Variants in KIF7 observed in about 807,000 individuals in gnomAD.
KIF7 encodes the protein kinesin-like protein KIF7.
Under a neutral mutation model 135.7 loss-of-function variants are expected in KIF7, and 104 were observed. The observed-to-expected ratio is 0.77, with a 90% CI of 0.65 to 0.90. The LOEUF (loss-of-function observed/expected upper bound fraction) is 0.90, where lower values mean the gene tolerates loss of function less well. Ranked by LOEUF, KIF7 falls within the 40% of genes least tolerant of loss-of-function variation. The pLI is 0.00. For synonymous variants in KIF7, 883 were observed against 809.4 expected, an observed-to-expected ratio of 1.09 and a Z score of -1.54; for missense variants, 2,005 against 1,839.1, an observed-to-expected ratio of 1.09 and a Z score of -1.65.
chr15:89,624,784 A>G, downstream of KIF7: 1 of 1,614,230 alleles, frequency 6.2e-7, no homozygotes, highest in Non-Finnish European at 8.5e-7. Flanking sequence ...TGAGGGGCTA[A>G]GGACAGCAGA....
chr15:89,638,469 T>G (rs1399436220), intron 11 of KIF7, among the ~76,000 whole-genome samples: 1 of 151,188 alleles, frequency 6.6e-6, no homozygotes, highest in Non-Finnish European at 1.5e-5. Flanking sequence ...ACAAAATCAA[T>G]GTACAAAAAT....
intron 10 of KIF7, among the ~76,000 whole-genome samples, chr15:89,643,658 G>A (rs1349507755): frequency 6.6e-6 from 1 of 152,200 alleles, no homozygotes; most frequent in African/African-American, 2.4e-5. Context: ...AGGCTGAGGT[G>A]AGCGGATCAC....
chr15:89,631,401 C>T lies in KIF7; in HGVS notation c.3111+94G>A, dbSNP rs1567058387. The T allele has an allele frequency of 4.2e-6, 5 of 1,183,602 alleles. No individual in the cohort carries two copies. In the East Asian group the frequency reaches 7.7e-5, roughly 18 times the overall value. 73.3% of individuals were successfully genotyped at this position (1,183,602 alleles called of 1,614,324 possible). On this transcript the variant is annotated intron_variant, in intron 15 of 18. Transcript: ENST00000394412. ...ACTTGGGTCTGCCGACAGCAAGGCCCAGCACCCGCAGAGGGCTGGAGCAAG... is the reference window on the plus strand; with the variant it reads ...ACTTGGGTCTGCCGACAGCAAGGCCTAGCACCCGCAGAGGGCTGGAGCAAG...
chr15:89,643,472 C>T (rs545187735), intron 10 of KIF7, among the ~76,000 whole-genome samples: 1 of 152,308 alleles, frequency 6.6e-6, no homozygotes, highest in South Asian at 2.1e-4. Flanking sequence ...ACCAATCCCA[C>T]ATAGATATCA....
At chr15:89,620,108 A>T (rs4932236) in intron 1 of KIF7, among the ~76,000 whole-genome samples, 125,652 of 152,188 alleles carry the variant, frequency 0.83, 52,657 homozygotes, top group Non-Finnish European at 0.92. Flanking sequence ...ATTTCCCATA[A>T]GGACAGAACC....
chr15:89,617,689 C>CTT (rs35732953), intron 2 of KIF7, among the ~76,000 whole-genome samples: 1,635 of 98,744 alleles, frequency 0.017, 57 homozygotes, highest in African/African-American at 0.058. Context: ...ACCCAGCTAT[C>CTT]TTTTTTTTTT....
At chr15:89,647,564 G>A (rs770599755) in intron 6 of KIF7, 32 bp downstream of exon 6, 1 of 1,573,660 alleles carries the variant, frequency 6.4e-7, no homozygotes, top group South Asian at 1.1e-5. Flanking sequence ...CCTCTGGGAA[G>A]CCTTCCCCGC....
Position 89,633,725 on chromosome 15 carries a change from G to A in KIF7, c.2553C>T (p.Arg851=), listed in dbSNP as rs1312926255. The A allele has an allele frequency of 6.2e-7, 1 of 1,608,634 alleles. No homozygotes were observed. Among genetic ancestry groups the A allele is most frequent in the South Asian group, 1.1e-5 (1 of 91,038 alleles). Residue 851 remains arginine (R), a synonymous_variant, in exon 12 of 19, where the codon CGC becomes CGT. Transcript: ENST00000394412. Reference sequence around the variant, plus strand: ...GCCGCTTGCTCATTTCTGCCTCCAGGCGCCGCTTCTGCTCCGTCTCCTCGC... The same window carrying A: ...GCCGCTTGCTCATTTCTGCCTCCAGACGCCGCTTCTGCTCCGTCTCCTCGC... The part of the protein sequence containing the change: ...RLREETEQKR[R]LEAEMSKRQH...
Position 89,631,555 on chromosome 15 carries a change from C to T in KIF7, c.3051G>A (p.Leu1017=), listed in dbSNP as rs766182617. The change falls in exon 15 of 19, where the codon CTG becomes CTA. Residue 1017 remains leucine, a synonymous_variant. Coordinates refer to ENST00000394412, the MANE Select transcript of KIF7 (RefSeq NM_198525.3). Reference sequence around the variant, plus strand: ...CGTCGATCTCCAGGCGCTGCTTGAGCAGCGAGTCCTTCTCCTGGCGCAGGC... The same window carrying T: ...CGTCGATCTCCAGGCGCTGCTTGAGTAGCGAGTCCTTCTCCTGGCGCAGGC... The part of the protein sequence containing the change: ...IDSLRQEKDS[L]LKQRLEIDGK... 2 of 1,580,452 alleles carry T rather than the reference C, an allele frequency of 1.3e-6. No homozygotes were observed. The highest frequency in any genetic ancestry group is 3.5e-5 in the Admixed American group (2 of 56,554).
chr15:89,621,699 GATT>G, intron 1 of KIF7: 1 of 689,702 alleles, frequency 1.4e-6, no homozygotes, highest in Non-Finnish European at 2.4e-6. Context: ...CCACATGAAT[GATT>G]ATTAGACACG....
Position 89,648,259 on chromosome 15 carries a change from C to T in KIF7, c.1439G>A (p.Arg480Gln). 1 of 1,515,416 alleles carries T rather than the reference C, an allele frequency of 6.6e-7. No homozygotes were observed. The highest frequency in any genetic ancestry group is 2.3e-4 in the Middle Eastern group (1 of 4,292). 93.9% of individuals were successfully genotyped at this position (1,515,416 alleles called of 1,614,324 possible). Residue 480 changes from arginine (R) to glutamine (Q), a missense_variant, in exon 5 of 19, where the codon CGA becomes CAA. Physicochemically the swap from Arg to Gln is conservative, Grantham distance 43. Transcript: ENST00000394412. ...EDQAAQGAGG[R>Q]KEDEGAQQLL... ...CACAACCTGTCCCTCGGCCACCTTT[C>T]GCCCGCCGGCCCCCTGCGCCGCCTG...
intron 6 of KIF7, 89 bp downstream of exon 6, chr15:89,647,507 A>G: frequency 8.6e-7 from 1 of 1,168,568 alleles, no homozygotes; most frequent in Non-Finnish European, 1.3e-6. Flanking sequence ...ACCCTACCCT[A>G]ACTCCCTCCC....
chr15:89,649,432 G>A (rs982072123), intron 3 of KIF7, 65 bp from the exon 4 acceptor site: 3 of 1,431,412 alleles, frequency 2.1e-6, no homozygotes, highest in East Asian at 2.5e-5. Context: ...CAGGAGGGCA[G>A]GCAGAGCAGA....
At chr15:89,658,992 T>A (rs540956264), upstream of KIF7, among the ~76,000 whole-genome samples, 13 of 152,284 alleles carry the variant, frequency 8.5e-5, no homozygotes, top group Non-Finnish European at 1.8e-4. Flanking sequence ...TTTTAAAACA[T>A]AACTTTCAGC....
intron 1 of KIF7, chr15:89,619,788 C>T: frequency 1.2e-6 from 2 of 1,614,040 alleles, no homozygotes; most frequent in Admixed American, 1.7e-5. Context: ...TTCTGTGTCT[C>T]AGCCGAAGTC....
chr15:89,626,192 A>G, downstream of KIF7: 1 of 966,910 alleles, frequency 1.0e-6, no homozygotes, highest in Non-Finnish European at 1.5e-6. Context: ...TCGCGCCTAC[A>G]GCGTCATGTG....
At chr15:89,645,845 G>A (rs1277972395) in intron 8 of KIF7, 48 bp downstream of exon 8, 1 of 1,602,590 alleles carries the variant, frequency 6.2e-7, no homozygotes, top group Non-Finnish European at 8.5e-7. Flanking sequence ...GCCTAGCCCT[G>A]GGCCCTGAGC....
downstream of KIF7, chr15:89,624,046 G>C (rs766566820): frequency 6.2e-7 from 1 of 1,613,642 alleles, no homozygotes; most frequent in East Asian, 2.2e-5. Flanking sequence ...TCCCATCAGA[G>C]ACCCTCTCAG....
chr15:89,644,554 G>A (rs563723001), intron 10 of KIF7, among the ~76,000 whole-genome samples: 5 of 151,930 alleles, frequency 3.3e-5, no homozygotes, highest in Admixed American at 6.6e-5. Context: ...GTGTGGTGGC[G>A]GGCGCCTGTA....
Sources: allele counts gnomAD v4.1 joint callset (sites outside exome capture counted in the v4.1 genomes callset), GRCh38; gene constraint gnomAD v4.1.1; transcripts MANE v1.5; gene names NCBI Gene and HGNC (gene_info 2026-07-23, HGNC 2026-07-21).